The following CDK12 variants were observed in gnomAD, a reference collection of about 807,000 sequenced individuals.
CDK12 encodes cyclin dependent kinase 12, also known as cyclin-dependent kinase 12.
Under a neutral mutation model 133.8 loss-of-function variants are expected in CDK12, and 17 were observed. The observed-to-expected ratio is 0.13, with a 90% CI of 0.09 to 0.19. The LOEUF (loss-of-function observed/expected upper bound fraction) is 0.19. CDK12 is among the 10% of genes least tolerant of loss of function. The probability of loss-of-function intolerance (pLI) is 1.00; values close to 1 mark genes in which losing one functional copy is unlikely to be tolerated. For missense variants in CDK12, 1,508 were observed against 1,818.7 expected (o/e 0.83, Z 3.11); for synonymous variants, 694 against 683.6 (o/e 1.02, Z -0.24).
intron 3 of CDK12, among the ~76,000 whole-genome samples, chr17:39,561,795 A>G (rs1389344062): frequency 6.6e-6 from 1 of 152,132 alleles, no homozygotes; most frequent in Non-Finnish European, 1.5e-5. Context: ...GAATCAGGCT[A>G]AGATTACGTA....
intron 6 of CDK12, among the ~76,000 whole-genome samples, chr17:39,503,035 A>G (rs2052838013): frequency 6.6e-6 from 1 of 152,128 alleles, no homozygotes; most frequent in Non-Finnish European, 1.5e-5. Flanking sequence ...GCCGAGATCA[A>G]TCCACTACAC....
chr17:39,554,045 C>T (rs1280332263), intron 2 of CDK12, among the ~76,000 whole-genome samples: 3 of 152,148 alleles, frequency 2.0e-5, no homozygotes, highest in East Asian at 1.9e-4. Flanking sequence ...TATTCTTGCC[C>T]TACTGTATTC....
intron 2 of CDK12, among the ~76,000 whole-genome samples, chr17:39,473,984 G>C (rs527650637): frequency 1.0e-3 from 154 of 152,298 alleles, no homozygotes; most frequent in African/African-American, 3.7e-3. Flanking sequence ...TTGAACTCAG[G>C]AGGCAGAGGC....
chr17:39,473,545 C>A (rs1269124980), intron 2 of CDK12, among the ~76,000 whole-genome samples: 3 of 151,992 alleles, frequency 2.0e-5, no homozygotes, highest in Non-Finnish European at 2.9e-5. Flanking sequence ...GAGTTCAAGA[C>A]CAGCCTGGCC....
intron 6 of CDK12, among the ~76,000 whole-genome samples, chr17:39,504,085 A>G (rs1413474100): frequency 2.0e-5 from 3 of 152,282 alleles, no homozygotes; most frequent in South Asian, 2.1e-4. Flanking sequence ...TATGGTAGAT[A>G]ATGAATTAGA....
chr17:39,514,188 G>T (rs1187236068), intron 8 of CDK12, among the ~76,000 whole-genome samples: 1 of 152,138 alleles, frequency 6.6e-6, no homozygotes, highest in Non-Finnish European at 1.5e-5. Context: ...CAGCCACTGA[G>T]CCTGGCCTAA....
At chr17:39,539,439 C>G (rs2055306289), downstream of CDK12, among the ~76,000 whole-genome samples, 1 of 152,132 alleles carries the variant, frequency 6.6e-6, no homozygotes, top group African/African-American at 2.4e-5. Flanking sequence ...GTGCCAAGTT[C>G]AAGGCAGGTG....
At chr17:39,484,281 T>C (rs1395805093) in intron 2 of CDK12, among the ~76,000 whole-genome samples, 1 of 152,212 alleles carries the variant, frequency 6.6e-6, no homozygotes, top group Non-Finnish European at 1.5e-5. Context: ...AAATTACACA[T>C]GTATTATGAA....
intron 13 of CDK12, among the ~76,000 whole-genome samples, chr17:39,529,383 C>G (rs1038682917): frequency 1.3e-5 from 2 of 152,076 alleles, no homozygotes; most frequent in Admixed American, 6.6e-5. Context: ...TAACTAAAAA[C>G]TGTTTTTGGC....
At chr17:39,563,016 G>A (rs1334691604) in intron 3 of CDK12, among the ~76,000 whole-genome samples, 1 of 149,114 alleles carries the variant, frequency 6.7e-6, no homozygotes, top group African/African-American at 2.5e-5. Flanking sequence ...CTTGGAAGAC[G>A]AATGCATTTT....
chr17:39,531,444 G>C lies in CDK12; in HGVS notation c.*128G>C. The stretch of plus-strand genomic sequence containing the variant: ...GCATTTGGCTACTGCAAAGCTGTCC[G>C]TTGTATTCCTTGCTCACTTGCTACT... On this transcript the variant is annotated 3_prime_UTR_variant, in exon 14 of 14. Coordinates refer to ENST00000447079, the MANE Select transcript of CDK12 (RefSeq NM_016507.4). 1 of 913,146 alleles carries C rather than the reference G, an allele frequency of 1.1e-6. No homozygotes were observed. The highest frequency in any genetic ancestry group is 1.5e-6 in the Non-Finnish European group (1 of 668,448). 56.6% of individuals were successfully genotyped at this position (913,146 alleles called of 1,614,324 possible). A position where few individuals can be genotyped will look rare whatever the true frequency, so the allele number is the denominator to read the frequency against.
intron 2 of CDK12, among the ~76,000 whole-genome samples, chr17:39,473,249 T>C (rs2049938214): frequency 6.6e-6 from 1 of 152,076 alleles, no homozygotes; most frequent in Non-Finnish European, 1.5e-5. Context: ...AAACTAGGAT[T>C]ATTTTGAAAA....
chr17:39,468,717 C>T (rs1034202671), intron 1 of CDK12, among the ~76,000 whole-genome samples: 6 of 152,030 alleles, frequency 3.9e-5, no homozygotes, highest in South Asian at 4.1e-4. Flanking sequence ...TCAGGTAATC[C>T]GCCTGCCTCA....
At chr17:39,466,061 A>G (rs567990788) in intron 1 of CDK12, among the ~76,000 whole-genome samples, 67 of 152,224 alleles carry the variant, frequency 4.4e-4, no homozygotes, top group Non-Finnish European at 7.5e-4. Context: ...AATCCCAAGC[A>G]CTTTGGGAGG....
At chr17:39,495,919 GT>G (rs919569269) in intron 5 of CDK12, among the ~76,000 whole-genome samples, 2 of 149,438 alleles carry the variant, frequency 1.3e-5, no homozygotes, top group African/African-American at 5.0e-5. Context: ...TTTTGTTTTT[GT>G]TTTTTTTTTG....
At position 39,461,666 on chromosome 17, in the gene CDK12, C is replaced by A; in HGVS notation, c.-406C>A. 3.5e-6 allele frequency: 1 copy of A among 285,564 alleles called. No individual in the cohort carries two copies. The highest frequency in any genetic ancestry group is 8.0e-5 in the South Asian group (1 of 12,480). The allele number at this position is 285,564 out of a possible 1,614,324, so 17.7% of individuals were successfully genotyped here. ...AGGAAGCCGTCCTGAACCGGGCTAC[C>A]GGGTAGGGGAAGGGCCCGCGTAGTC... On this transcript the variant is annotated 5_prime_UTR_variant, in exon 1 of 14. Transcript: ENST00000447079.
intron 2 of CDK12, among the ~76,000 whole-genome samples, chr17:39,472,784 A>G (rs776240520): frequency 1.3e-5 from 2 of 151,982 alleles, no homozygotes; most frequent in Non-Finnish European, 2.9e-5. Context: ...TATATAAATA[A>G]CATGCTATCG....
intron 1 of CDK12, among the ~76,000 whole-genome samples, chr17:39,468,363 T>C (rs1014035150): frequency 6.6e-6 from 1 of 152,208 alleles, no homozygotes; most frequent in African/African-American, 2.4e-5. Flanking sequence ...AGTCTTACCA[T>C]ATCTCCCTGA....
intron 2 of CDK12, among the ~76,000 whole-genome samples, chr17:39,485,408 CTT>C (rs35318849): frequency 0.047 from 3,260 of 70,006 alleles, 120 homozygotes; most frequent in African/African-American, 0.14. Context: ...CATCCCCCCC[CTT>C]TTTTTTTTTT....
Sources: gnomAD v4.1 joint callset for allele counts (sites outside exome capture counted in the v4.1 genomes callset) on GRCh38, gnomAD v4.1.1 for gene constraint, MANE v1.5 for transcripts, NCBI Gene and HGNC (gene_info 2026-07-23, HGNC 2026-07-21) for gene names.